DYNC1I1: variants seen among roughly 807,000 people sequenced by gnomAD.
DYNC1I1 encodes cytoplasmic dynein 1 intermediate chain 1.
Under a neutral mutation model 86.6 loss-of-function variants are expected in DYNC1I1, and 43 were observed. The observed-to-expected ratio is 0.50, with a 90% CI of 0.39 to 0.64. DYNC1I1 has a LOEUF of 0.64. Among genes scored for constraint, DYNC1I1 ranks in the 30% least tolerant of loss-of-function variants. The pLI is 0.00. For synonymous variants in DYNC1I1, 262 were observed against 283.7 expected (o/e 0.92, Z 0.77); for missense variants, 604 against 788.8 (o/e 0.77, Z 2.81).
chr7:95,904,294 C>G (rs1348345155), intron 6 of DYNC1I1, among the ~76,000 whole-genome samples: 1 of 152,094 alleles, frequency 6.6e-6, no homozygotes, highest in African/African-American at 2.4e-5. Flanking sequence ...CCCTGCTCAT[C>G]TGTGTAAGAT....
chr7:95,785,747 G>A (rs926085165), intron 1 of DYNC1I1, among the ~76,000 whole-genome samples: 14 of 137,828 alleles, frequency 1.0e-4, no homozygotes, highest in East Asian at 4.3e-4. Context: ...ATATATATAT[G>A]TGTGTATGTA....
intron 4 of DYNC1I1, among the ~76,000 whole-genome samples, chr7:95,819,317 G>A (rs1055767747): frequency 6.6e-6 from 1 of 152,088 alleles, no homozygotes. Flanking sequence ...ACAATAATTC[G>A]TTGTGGGCAA....
Position 95,980,961 on chromosome 7 carries a change from G to A in DYNC1I1, c.580+3360G>A, listed in dbSNP as rs183828536. On this transcript the variant is annotated intron_variant, in intron 7 of 16. Coordinates refer to ENST00000447467, the MANE Select transcript of DYNC1I1 (RefSeq NM_001135556.2). ...ACTGATTTCACTGTAAAATTCCCAT[G>A]AGAGCCACTGTCCTTATTTAATCTA... is the stretch of plus-strand genomic sequence containing the variant. Among the ~76,000 whole-genome samples the A allele has an allele frequency of 4.6e-5, 7 of 152,240 alleles. No homozygotes were observed. In the East Asian group the frequency reaches 1.2e-3, roughly 25 times the overall value.
chr7:95,930,840 G>A (rs1353853560), intron 6 of DYNC1I1, among the ~76,000 whole-genome samples: 1 of 152,198 alleles, frequency 6.6e-6, no homozygotes, highest in Non-Finnish European at 1.5e-5. Flanking sequence ...CTCATTTACT[G>A]GAGAGGTTGG....
chr7:95,999,119 A>G (rs1040282726), intron 10 of DYNC1I1, among the ~76,000 whole-genome samples: 1 of 152,190 alleles, frequency 6.6e-6, no homozygotes, highest in East Asian at 1.9e-4. Flanking sequence ...ACTCAGCCCC[A>G]TAACACACTC....
At chr7:95,858,909 TTAA>T (rs1031063116) in intron 5 of DYNC1I1, among the ~76,000 whole-genome samples, 22 of 147,064 alleles carry the variant, frequency 1.5e-4, no homozygotes, top group African/African-American at 4.9e-4. Context: ...ATTTATTATT[TTAA>T]TAATATATTT....
At chr7:95,945,270 A>C (rs1039532815) in intron 6 of DYNC1I1, among the ~76,000 whole-genome samples, 17 of 151,878 alleles carry the variant, frequency 1.1e-4, no homozygotes, top group African/African-American at 3.9e-4. Context: ...ACTAATGTTT[A>C]TTTTCTATTT....
At chr7:96,000,030 T>G (rs187651039) in intron 10 of DYNC1I1, among the ~76,000 whole-genome samples, 255 of 152,338 alleles carry the variant, frequency 1.7e-3, no homozygotes, top group Non-Finnish European at 2.6e-3. Context: ...TTATTTATTT[T>G]TTTAAATGAA....
Position 95,987,076 on chromosome 7 carries a change from A to G in DYNC1I1, c.764A>G (p.Asn255Ser), listed in dbSNP as rs1413621238. ...CCTAGGGATGTTCAGGCTGGAGCCAATCTTTCTTTCAATCGTCAGTTCTAT... is the reference window on the plus strand; with the variant it reads ...CCTAGGGATGTTCAGGCTGGAGCCAGTCTTTCTTTCAATCGTCAGTTCTAT... ...EKDGDVQAGA[N>S]LSFNRQFYDE... Residue 255 changes from asparagine to serine, a missense_variant, in exon 9 of 17, where the codon AAT becomes AGT. Transcript: ENST00000447467. 3.1e-6 allele frequency: 5 copies of G among 1,613,766 alleles called. No homozygotes were observed. Among genetic ancestry groups the G allele is most frequent in the South Asian group, 1.1e-5 (1 of 91,074 alleles).
At chr7:95,787,417 C>T (rs1356785663) in intron 1 of DYNC1I1, among the ~76,000 whole-genome samples, 2 of 151,998 alleles carry the variant, frequency 1.3e-5, no homozygotes, top group Non-Finnish European at 2.9e-5. Context: ...GGAAGGGAGG[C>T]AGAATCTAGG....
chr7:96,106,871 G>A (rs894278457), intron 16 of DYNC1I1, among the ~76,000 whole-genome samples: 9 of 152,062 alleles, frequency 5.9e-5, no homozygotes, highest in Admixed American at 1.3e-4. Context: ...TATTCCATGC[G>A]TACTTAAATA....
At chr7:96,043,970 A>C (rs1384353182) in intron 14 of DYNC1I1, among the ~76,000 whole-genome samples, 1 of 152,142 alleles carries the variant, frequency 6.6e-6, no homozygotes, top group East Asian at 1.9e-4. Context: ...AGCCTCCCAA[A>C]GTGCTGGGAT....
At chr7:95,913,018 T>A (rs1234206650) in intron 6 of DYNC1I1, among the ~76,000 whole-genome samples, 2 of 152,206 alleles carry the variant, frequency 1.3e-5, no homozygotes, top group African/African-American at 4.8e-5. Flanking sequence ...ATCCCTTTGA[T>A]TAATGCTCTA....
intron 6 of DYNC1I1, among the ~76,000 whole-genome samples, chr7:95,880,795 A>G (rs1371255713): frequency 2.6e-5 from 4 of 151,628 alleles, no homozygotes; most frequent in South Asian, 2.1e-4. Context: ...ACAGGTGCAC[A>G]CCACCGTGCC....
intron 6 of DYNC1I1, among the ~76,000 whole-genome samples, chr7:95,937,880 A>G (rs1468648081): frequency 1.3e-5 from 2 of 152,086 alleles, no homozygotes; most frequent in African/African-American, 4.8e-5. Flanking sequence ...GACACTGCTA[A>G]CACCTTGATG....
At chr7:95,844,283 T>A (rs1335267638) in intron 5 of DYNC1I1, among the ~76,000 whole-genome samples, 2 of 152,220 alleles carry the variant, frequency 1.3e-5, no homozygotes, top group Admixed American at 6.5e-5. Flanking sequence ...ATAGAGTTTT[T>A]AAAAATATTA....
intron 7 of DYNC1I1, among the ~76,000 whole-genome samples, chr7:95,982,517 TA>T (rs1793482773): frequency 6.6e-6 from 1 of 152,056 alleles, no homozygotes; most frequent in Non-Finnish European, 1.5e-5. Context: ...TACAGAAAAT[TA>T]CATAGATACC....
chr7:95,791,375 C>T (rs1220995374), intron 1 of DYNC1I1, among the ~76,000 whole-genome samples: 2 of 152,184 alleles, frequency 1.3e-5, no homozygotes, highest in African/African-American at 2.4e-5. Context: ...CTTTATCATA[C>T]AGCAGGCCAA....
At chr7:95,888,786 G>C (rs183265441) in intron 6 of DYNC1I1, among the ~76,000 whole-genome samples, 1 of 152,178 alleles carries the variant, frequency 6.6e-6, no homozygotes, top group Non-Finnish European at 1.5e-5. Flanking sequence ...GCTGTTCGAA[G>C]TAATTTTTCT....
Sources: gnomAD v4.1 joint callset for allele counts (sites outside exome capture counted in the v4.1 genomes callset) on GRCh38, gnomAD v4.1.1 for gene constraint, MANE v1.5 for transcripts, NCBI Gene and HGNC (gene_info 2026-07-23, HGNC 2026-07-21) for gene names.